Variants in ADAP2 observed in about 807,000 individuals in gnomAD.
ADAP2 encodes arf-GAP with dual PH domain-containing protein 2.
ADAP2 carries 42 observed loss-of-function variants against 54.9 expected under a neutral mutation model. The ratio of observed to expected loss-of-function variants is 0.77; its 90% CI spans 0.60 to 0.99. ADAP2 has a LOEUF of 0.99. Among genes scored for constraint, ADAP2 ranks in the 50% least tolerant of loss-of-function variants. The pLI is 0.00. For synonymous variants in ADAP2, 177 were observed against 180.1 expected, an observed-to-expected ratio of 0.98 and a Z score of 0.14; for missense variants, 429 against 480.4, an observed-to-expected ratio of 0.89 and a Z score of 1.00.
chr17:30,956,570 A>G, intron 10 of ADAP2, 101 bp downstream of exon 10: 2 of 1,032,580 alleles, frequency 1.9e-6, no homozygotes, highest in South Asian at 3.0e-5. Flanking sequence ...AAGATTCCTG[A>G]TTCCTGACTA....
intron 9 of ADAP2, among the ~76,000 whole-genome samples, chr17:30,955,479 G>A (rs1471121455): frequency 3.3e-5 from 5 of 151,870 alleles, no homozygotes; most frequent in Non-Finnish European, 5.9e-5. Flanking sequence ...AGGCTGAGGC[G>A]GGGCAGATCA....
chr17:30,952,005 G>A (rs1368424295), intron 7 of ADAP2, among the ~76,000 whole-genome samples: 1 of 152,066 alleles, frequency 6.6e-6, no homozygotes, highest in East Asian at 1.9e-4. Flanking sequence ...ACTTCCCATA[G>A]CTGTTCCCCA....
intron 7 of ADAP2, among the ~76,000 whole-genome samples, chr17:30,951,524 G>T (rs959462859): frequency 6.6e-6 from 1 of 151,918 alleles, no homozygotes; most frequent in African/African-American, 2.4e-5. Flanking sequence ...TTATAGAGAT[G>T]ATGTCTCACT....
At chr17:30,944,656 T>C (rs1033023862) in intron 5 of ADAP2, among the ~76,000 whole-genome samples, 1 of 152,058 alleles carries the variant, frequency 6.6e-6, no homozygotes, top group Non-Finnish European at 1.5e-5. Flanking sequence ...GACGGGGTTT[T>C]ACCAAGTTGG....
chr17:30,923,834 G>A (rs1391818849), intron 2 of ADAP2, among the ~76,000 whole-genome samples: 1 of 150,952 alleles, frequency 6.6e-6, no homozygotes, highest in African/African-American at 2.4e-5. Context: ...TGAGTAGCTG[G>A]GATTACAGGC....
At chr17:30,933,213 G>T (rs771624341) in intron 4 of ADAP2, among the ~76,000 whole-genome samples, 1 of 152,078 alleles carries the variant, frequency 6.6e-6, no homozygotes, top group Non-Finnish European at 1.5e-5. Flanking sequence ...ATTGAGTCAG[G>T]GTCTCACTCT....
At chr17:30,950,984 G>A (rs1030938668) in intron 7 of ADAP2, among the ~76,000 whole-genome samples, 23 of 152,122 alleles carry the variant, frequency 1.5e-4, no homozygotes, top group African/African-American at 4.3e-4. Flanking sequence ...ATCCACTGTC[G>A]GTACCTGATA....
intron 8 of ADAP2, 144 bp downstream of exon 8, chr17:30,953,494 C>T (rs1904834434): frequency 1.3e-6 from 1 of 744,408 alleles, no homozygotes; most frequent in African/African-American, 1.8e-5. Context: ...CACATGCAAC[C>T]CAGGACGGCT....
In ADAP2 at chr17:30,922,116, C is replaced by T; in HGVS notation, c.94+8C>T. On this transcript the variant is annotated splice_region_variant and intron_variant, in intron 1 of 10. Transcript: ENST00000330889. ...CCGACTGCGGGGCGGCAGGTAAGGG[C>T]GCGGCGGCGCGGGCAGCGCGAGACC... 8.1e-7 allele frequency: 1 copy of T among 1,236,762 alleles called. No homozygotes were observed. The allele number at this position is 1,236,762 out of a possible 1,614,324, so 76.6% of individuals were successfully genotyped here.
intron 2 of ADAP2, among the ~76,000 whole-genome samples, chr17:30,925,660 A>T: frequency 1.4e-5 from 2 of 140,084 alleles, no homozygotes; most frequent in East Asian, 2.1e-4. Context: ...TAGTGGTGTG[A>T]TCTTGGCTCA....
chr17:30,943,196 T>A (rs1475193381), intron 5 of ADAP2, among the ~76,000 whole-genome samples: 1 of 151,990 alleles, frequency 6.6e-6, no homozygotes, highest in Non-Finnish European at 1.5e-5. Context: ...AGAAACCCTG[T>A]CTCTACTAAA....
chr17:30,949,309 C>A lies in ADAP2; in HGVS notation c.680C>A (p.Ala227Asp), dbSNP rs1441126286. The A allele has an allele frequency of 1.2e-6, 2 of 1,614,138 alleles. No homozygotes were observed. Among genetic ancestry groups the A allele is most frequent in the Non-Finnish European group, 8.5e-7 (1 of 1,179,990 alleles). The part of the protein sequence containing the change: ...SGKEIVDWFN[A>D]LRAARLQYLK... Reference sequence around the variant, plus strand: ...CAGGAGATAGTGGACTGGTTCAATGCCCTCCGTGCAGCCCGTCTGCAGTAC... The same window carrying A: ...CAGGAGATAGTGGACTGGTTCAATGACCTCCGTGCAGCCCGTCTGCAGTAC... The change falls in exon 7 of 11, where the codon GCC becomes GAC. Residue 227 changes from alanine (A) to aspartate (D), a missense_variant. By Grantham distance (126) the Ala-to-Asp change is moderately radical. Coordinates refer to ENST00000330889, the MANE Select transcript of ADAP2 (RefSeq NM_018404.3).
In ADAP2 at chr17:30,956,224, G is replaced by T; in HGVS notation, c.883-17G>T. 1.2e-6 allele frequency: 2 copies of T among 1,613,590 alleles called. No individual in the cohort carries two copies. The highest frequency in any genetic ancestry group is 1.7e-6 in the Non-Finnish European group (2 of 1,179,588). ...CCTGGGGGCACCCTCTGATGACCCT[G>T]TACTCTCCATTTTCAGGATGCCTTC... On this transcript the variant is annotated splice_polypyrimidine_tract_variant and intron_variant, in intron 9 of 10. Coordinates refer to ENST00000330889, the MANE Select transcript of ADAP2 (RefSeq NM_018404.3).
In ADAP2 at chr17:30,954,558, A is replaced by G. The variant is rs762397571; in HGVS notation, c.882+3A>G. 1.2e-6 allele frequency: 2 copies of G among 1,613,558 alleles called. No homozygotes were observed. The highest frequency in any genetic ancestry group is 1.7e-4 in the Middle Eastern group (1 of 6,040). ...TGCTCTATTACAAGAACCCACTGGT[A>G]AGAGCCACTCCTGCTCCCTCCCCAG... On this transcript the variant is annotated splice_donor_region_variant and intron_variant, in intron 9 of 10. Coordinates refer to ENST00000330889, the MANE Select transcript of ADAP2 (RefSeq NM_018404.3).
intron 7 of ADAP2, among the ~76,000 whole-genome samples, chr17:30,952,950 C>T (rs1266047453): frequency 3.3e-5 from 5 of 152,026 alleles, no homozygotes; most frequent in Non-Finnish European, 7.4e-5. Flanking sequence ...GAGAATTGCA[C>T]CTGGAGCCTG....
At chr17:30,951,255 T>A (rs1904607394) in intron 7 of ADAP2, among the ~76,000 whole-genome samples, 1 of 152,190 alleles carries the variant, frequency 6.6e-6, no homozygotes, top group African/African-American at 2.4e-5. Context: ...TTTCTAGGGC[T>A]ATTGTGAGAC....
chr17:30,937,049 T>C (rs892583452), intron 5 of ADAP2, among the ~76,000 whole-genome samples: 2 of 151,090 alleles, frequency 1.3e-5, no homozygotes, highest in African/African-American at 4.9e-5. Flanking sequence ...TGCCTCAGTC[T>C]CTCGAGTAGC....
intron 4 of ADAP2, among the ~76,000 whole-genome samples, chr17:30,933,421 C>T (rs1911641501): frequency 6.6e-6 from 1 of 152,140 alleles, no homozygotes; most frequent in African/African-American, 2.4e-5. Flanking sequence ...CTCCTGACTT[C>T]AAGTGATCTG....
chr17:30,933,330 G>A (rs1265402923), intron 4 of ADAP2, among the ~76,000 whole-genome samples: 1 of 151,998 alleles, frequency 6.6e-6, no homozygotes, highest in Non-Finnish European at 1.5e-5. Context: ...TGGGATTACA[G>A]GCATGCACAA....
Sources: gnomAD v4.1 joint callset for allele counts (sites outside exome capture counted in the v4.1 genomes callset) on GRCh38, gnomAD v4.1.1 for gene constraint, MANE v1.5 for transcripts, NCBI Gene and HGNC (gene_info 2026-07-23, HGNC 2026-07-21) for gene names.